Variants in GAS7 observed in about 807,000 individuals in gnomAD.
GAS7 encodes the protein growth arrest-specific protein 7.
In GAS7, 28 loss-of-function variants were observed where a neutral mutation model predicts 71.1. That is an observed-to-expected ratio of 0.39 (90% CI 0.29 to 0.54). GAS7 has a LOEUF of 0.54. Ranked by LOEUF, GAS7 falls within the 20% of genes least tolerant of loss-of-function variation. GAS7 has a pLI of 0.62. For missense variants in GAS7, 436 were observed against 627.8 expected, an observed-to-expected ratio of 0.69 and a Z score of 3.27; for synonymous variants, 258 against 245.8, an observed-to-expected ratio of 1.05 and a Z score of -0.46.
intron 2 of GAS7, among the ~76,000 whole-genome samples, chr17:10,012,828 C>T (rs934289029): frequency 7.2e-5 from 11 of 151,922 alleles, no homozygotes; most frequent in African/African-American, 2.2e-4. Context: ...CCAGGCAGGG[C>T]GCGGTGGCTC....
intron 1 of GAS7, among the ~76,000 whole-genome samples, chr17:10,165,713 T>C (rs909667849): frequency 3.3e-5 from 5 of 152,226 alleles, no homozygotes; most frequent in Admixed American, 3.3e-4. Context: ...ACCCCTCCTA[T>C]ATAGAGGCTC....
At chr17:10,115,938 G>A (rs150291312) in intron 1 of GAS7, among the ~76,000 whole-genome samples, 19 of 152,300 alleles carry the variant, frequency 1.2e-4, no homozygotes, top group African/African-American at 4.3e-4. Flanking sequence ...ATCCAACCAG[G>A]ACTTCTGAGA....
At chr17:9,940,921 C>T (rs1303033289) in intron 7 of GAS7, among the ~76,000 whole-genome samples, 1 of 152,216 alleles carries the variant, frequency 6.6e-6, no homozygotes. Context: ...CTCTGGGCCA[C>T]AGTGGGAGAC....
chr17:10,086,406 G>A (rs985093112), intron 1 of GAS7, among the ~76,000 whole-genome samples: 1 of 152,124 alleles, frequency 6.6e-6, no homozygotes, highest in Non-Finnish European at 1.5e-5. Context: ...CAACTCTGAA[G>A]GCCAGGATTA....
intron 1 of GAS7, among the ~76,000 whole-genome samples, chr17:10,174,705 A>T (rs2074360290): frequency 6.8e-6 from 1 of 146,948 alleles, no homozygotes; most frequent in Non-Finnish European, 1.5e-5. Context: ...AAAAATAATT[A>T]AAAAAAATAA....
intron 1 of GAS7, chr17:10,039,856 G>T: frequency 2.4e-6 from 1 of 416,464 alleles, no homozygotes; most frequent in Non-Finnish European, 4.8e-6. Flanking sequence ...CTCCCAGAGG[G>T]GGTGACAATG....
intron 1 of GAS7, among the ~76,000 whole-genome samples, chr17:10,171,908 A>G (rs1024432628): frequency 6.6e-6 from 1 of 152,202 alleles, no homozygotes; most frequent in South Asian, 2.1e-4. Context: ...AGGAAATGCC[A>G]CTTAAGTTCA....
At chr17:10,187,263 T>C (rs1366860270) in intron 1 of GAS7, among the ~76,000 whole-genome samples, 4 of 152,142 alleles carry the variant, frequency 2.6e-5, no homozygotes, top group Non-Finnish European at 5.9e-5. Context: ...CTGGAGGTCT[T>C]GCGGCTTTGG....
At chr17:10,080,000 G>A (rs2073440824) in intron 1 of GAS7, among the ~76,000 whole-genome samples, 1 of 152,172 alleles carries the variant, frequency 6.6e-6, no homozygotes, top group African/African-American at 2.4e-5. Flanking sequence ...TTGTATAGAG[G>A]CTGGGTAAAA....
At chr17:10,167,042 G>GTTTTT (rs2074299307) in intron 1 of GAS7, among the ~76,000 whole-genome samples, 2 of 46,610 alleles carry the variant, frequency 4.3e-5, no homozygotes, top group African/African-American at 9.8e-5. Flanking sequence ...ATTTCCATTT[G>GTTTTT]TCTTTTTTTT....
At chr17:10,048,519 C>A (rs138406145) in intron 1 of GAS7, among the ~76,000 whole-genome samples, 2 of 152,154 alleles carry the variant, frequency 1.3e-5, no homozygotes, top group African/African-American at 4.8e-5. Flanking sequence ...CCTGGCATCA[C>A]CCCTTGGAAA....
chr17:10,131,374 G>A (rs1406564224), intron 1 of GAS7, among the ~76,000 whole-genome samples: 1 of 152,220 alleles, frequency 6.6e-6, no homozygotes, highest in East Asian at 1.9e-4. Flanking sequence ...TGTAATCCCA[G>A]CACTTTGGGA....
Position 10,167,044 on chromosome 17 carries a change from C to CTTTTTTTTTTTTTT in GAS7, c.183+31150_183+31163dup, listed in dbSNP as rs1164151104. On this transcript the variant is annotated intron_variant, in intron 1 of 13. Transcript: ENST00000432992. Reference sequence around the variant, plus strand: ...AAACCAATCTACTATTTCCATTTGTCTTTTTTTTTTTTTTTTTTTTTTTTT... The same window carrying CTTTTTTTTTTTTTT: ...AAACCAATCTACTATTTCCATTTGTCTTTTTTTTTTTTTTTTTTTTTTTTTTTTTTTTTTTTTTT... Among the ~76,000 whole-genome samples the CTTTTTTTTTTTTTT allele has an allele frequency of 3.1e-3, 183 of 58,814 alleles. 31 individuals are homozygous for CTTTTTTTTTTTTTT. The highest frequency in any genetic ancestry group is 6.4e-3 in the Admixed American group (27 of 4,216). 38.6% of individuals were successfully genotyped at this position (58,814 alleles called of 152,430 possible). A position where few individuals can be genotyped will look rare whatever the true frequency, so the allele number is the denominator to read the frequency against.
At chr17:10,178,833 C>T (rs760982328) in intron 1 of GAS7, among the ~76,000 whole-genome samples, 5 of 148,324 alleles carry the variant, frequency 3.4e-5, no homozygotes, top group Non-Finnish European at 7.4e-5. Flanking sequence ...CGGCAGACAG[C>T]GGAGGGCTTT....
chr17:9,927,001 GTGGTTA>G, intron 9 of GAS7: 1 of 510,654 alleles, frequency 2.0e-6, no homozygotes, highest in Non-Finnish European at 3.5e-6. Flanking sequence ...TACAGGATAA[GTGGTTA>G]GCAACTAGAG....
chr17:10,033,099 A>G (rs765166585), intron 1 of GAS7, among the ~76,000 whole-genome samples: 1 of 152,186 alleles, frequency 6.6e-6, no homozygotes, highest in Non-Finnish European at 1.5e-5. Flanking sequence ...CTAAAGATTA[A>G]TGATCTTGAC....
intron 1 of GAS7, among the ~76,000 whole-genome samples, chr17:10,083,627 A>G (rs578203488): frequency 6.6e-6 from 1 of 152,356 alleles, no homozygotes; most frequent in African/African-American, 2.4e-5. Flanking sequence ...AAGTGTGAGG[A>G]GGACAGAGAA....
chr17:9,947,041 G>A (rs142204782), intron 5 of GAS7, 58 bp from the exon 6 acceptor site: 2 of 1,208,594 alleles, frequency 1.7e-6, no homozygotes, highest in South Asian at 1.2e-5. Context: ...AGCGAGGAAG[G>A]CTTCGGCTCC....
At chr17:9,962,441 A>T (rs768365205) in intron 4 of GAS7, among the ~76,000 whole-genome samples, 11 of 152,248 alleles carry the variant, frequency 7.2e-5, no homozygotes, top group Non-Finnish European at 1.5e-4. Context: ...GAGGTAAGAA[A>T]GTATTCAGAG....
Sources: allele counts gnomAD v4.1 joint callset (sites outside exome capture counted in the v4.1 genomes callset), GRCh38; gene constraint gnomAD v4.1.1; transcripts MANE v1.5; gene names NCBI Gene and HGNC (gene_info 2026-07-23, HGNC 2026-07-21).